TRAPPC11: variants seen among roughly 807,000 people sequenced by gnomAD.
The protein encoded by TRAPPC11 is trafficking protein particle complex subunit 11.
Under a neutral mutation model 151.2 loss-of-function variants are expected in TRAPPC11, and 104 were observed. The observed-to-expected ratio is 0.69, with a 90% confidence interval of 0.59 to 0.81. The LOEUF (loss-of-function observed/expected upper bound fraction) is 0.81, where lower values mean the gene tolerates loss of function less well. TRAPPC11 is among the 30% of genes least tolerant of loss of function. The probability of loss-of-function intolerance (pLI) is 0.00; values close to 1 mark genes in which losing one functional copy is unlikely to be tolerated. For missense variants in TRAPPC11, 1,230 were observed against 1,349.6 expected, an observed-to-expected ratio of 0.91 and a Z score of 1.39; for synonymous variants, 456 against 472.3, an observed-to-expected ratio of 0.97 and a Z score of 0.45.
Position 183,667,233 on chromosome 4 carries a change from A to T in TRAPPC11, c.445+103A>T, listed in dbSNP as rs760754747. ...GTTTAAATCTTTTATGCATTCAGTTATGGGGCTGATAGTATGTTAACTTTA... is the reference window on the plus strand; with the variant it reads ...GTTTAAATCTTTTATGCATTCAGTTTTGGGGCTGATAGTATGTTAACTTTA... On this transcript the variant is annotated intron_variant, in intron 4 of 29. Coordinates refer to ENST00000334690, the MANE Select transcript of TRAPPC11 (RefSeq NM_021942.6). 6.3e-4 allele frequency: 521 copies of T among 821,870 alleles called. 2 individuals carry two copies. Among genetic ancestry groups the T allele is most frequent in the South Asian group, 8.2e-4 (46 of 56,150 alleles). The allele number at this position is 821,870 out of a possible 1,614,324, so 50.9% of individuals were successfully genotyped here. A position where few individuals can be genotyped will look rare whatever the true frequency, so the allele number is the denominator to read the frequency against.
In TRAPPC11 at chr4:183,693,666, T is replaced by C; in HGVS notation, c.2315T>C (p.Leu772Ser). ...PPALTNEMYC[L>S]VVTVQSHEKT... ...GCACTGACTAATGAAATGTATTGTT[T>C]GGTTGTGACTGTTCAGTCCCATGAA... The change falls in exon 21 of 30, where the codon TTG becomes TCG. Residue 772 changes from leucine to serine, a missense_variant. Coordinates refer to ENST00000334690, the MANE Select transcript of TRAPPC11 (RefSeq NM_021942.6). 6.2e-7 allele frequency: 1 copy of C among 1,614,200 alleles called. No homozygotes were observed. Among genetic ancestry groups the C allele is most frequent in the Non-Finnish European group, 8.5e-7 (1 of 1,180,034 alleles).
chr4:183,708,383 T>A, intron 28 of TRAPPC11, 24 bp from the exon 29 acceptor site: 2 of 1,604,522 alleles, frequency 1.2e-6, no homozygotes, highest in Non-Finnish European at 8.5e-7. Flanking sequence ...TGATTATCTT[T>A]CTCTGTGACT....
chr4:183,687,407 A>G (rs868066457), intron 18 of TRAPPC11, among the ~76,000 whole-genome samples: 2 of 151,890 alleles, frequency 1.3e-5, no homozygotes, highest in African/African-American at 4.8e-5. Flanking sequence ...TGGTGCAATC[A>G]TAGCTCACTG....
chr4:183,683,938 G>T, intron 11 of TRAPPC11, 37 bp from the exon 12 acceptor site: 2 of 1,507,250 alleles, frequency 1.3e-6, no homozygotes, highest in Non-Finnish European at 1.8e-6. Flanking sequence ...TATATTAAAT[G>T]AGCTGTCTAA....
In TRAPPC11 at chr4:183,704,518, C is replaced by CAAAA. The variant is rs140497615; in HGVS notation, c.2964-445_2964-442dup. 5.7e-4 allele frequency among the ~76,000 whole-genome samples: 49 copies of CAAAA among 86,424 alleles called. 1 individual carries two copies. Among genetic ancestry groups the CAAAA allele is most frequent in the South Asian group, 2.5e-3 (6 of 2,444 alleles). 56.7% of individuals were successfully genotyped at this position (86,424 alleles called of 152,430 possible). On this transcript the variant is annotated intron_variant, in intron 26 of 29. Transcript: ENST00000334690. Reference sequence around the variant, plus strand: ...CCTGGGTGAGAGAGTGAGACTGTCTCAAAAAAAAAAAAAAAAAAATTGGCC... The same window carrying CAAAA: ...CCTGGGTGAGAGAGTGAGACTGTCTCAAAAAAAAAAAAAAAAAAAAAAATTGGCC...
At chr4:183,697,649 T>C (rs2111078439) in intron 24 of TRAPPC11, 30 bp from the exon 25 acceptor site, 1 of 1,612,244 alleles carries the variant, frequency 6.2e-7, no homozygotes, top group Non-Finnish European at 8.5e-7. Flanking sequence ...AGGTAATTCC[T>C]GACAGACCTT....
At position 183,704,972 on chromosome 4, in the gene TRAPPC11, G is replaced by A. The variant is rs1475770195; in HGVS notation, c.2964-7G>A. 1 of 1,560,358 alleles carries A rather than the reference G, an allele frequency of 6.4e-7. No homozygotes were observed. ...AGAGTTTAAAAAGATGACCTCTTCT[G>A]CCACAGGACCTCAGCAATGGAGAAT... On this transcript the variant is annotated splice_region_variant and splice_polypyrimidine_tract_variant and intron_variant, in intron 26 of 29. Transcript: ENST00000334690.
intron 28 of TRAPPC11, among the ~76,000 whole-genome samples, chr4:183,707,174 T>C (rs1737116257): frequency 6.6e-6 from 1 of 152,042 alleles, no homozygotes; most frequent in South Asian, 2.1e-4. Context: ...AGTCCACAAA[T>C]CCTTGGACTA....
rs1734696326 is a variant in TRAPPC11, at chr4:183,663,873, C to T, written c.6C>T (p.Ser2=). 1 of 1,612,878 alleles carries T rather than the reference C, an allele frequency of 6.2e-7. No individual in the cohort carries two copies. Among genetic ancestry groups the T allele is most frequent in the Middle Eastern group, 1.7e-4 (1 of 6,014 alleles). Residue 2 remains serine, a synonymous_variant, in exon 2 of 30, where the codon AGC becomes AGT. Coordinates refer to ENST00000334690, the MANE Select transcript of TRAPPC11 (RefSeq NM_021942.6). ...TTTTTTGTGACATCGTAAACATGAG[C>T]CCCACACAGTGGGACTTCCCTGTGG... is the stretch of plus-strand genomic sequence containing the variant. M[S]PTQWDFPVEL... is the part of the protein sequence containing the mutation.
chr4:183,693,658 G>T lies in TRAPPC11; in HGVS notation c.2307G>T (p.Met769Ile), dbSNP rs1554010022. 6.2e-7 allele frequency: 1 copy of T among 1,614,108 alleles called. No individual in the cohort carries two copies. Among genetic ancestry groups the T allele is most frequent in the Non-Finnish European group, 8.5e-7 (1 of 1,180,028 alleles). Residue 769 changes from methionine to isoleucine, a missense_variant, in exon 21 of 30, where the codon ATG (methionine) becomes ATT (isoleucine). Transcript: ENST00000334690. ...LHEPPALTNE[M>I]YCLVVTVQSH... ...AACCCCCTGCACTGACTAATGAAAT[G>T]TATTGTTTGGTTGTGACTGTTCAGT...
At chr4:183,661,216 A>G (rs2111274982) in intron 1 of TRAPPC11, among the ~76,000 whole-genome samples, 1 of 152,160 alleles carries the variant, frequency 6.6e-6, no homozygotes, top group African/African-American at 2.4e-5. Flanking sequence ...TAAACATGAG[A>G]AGACTAATAG....
At chr4:183,672,341 G>A (rs576045852) in intron 5 of TRAPPC11, among the ~76,000 whole-genome samples, 5 of 152,180 alleles carry the variant, frequency 3.3e-5, no homozygotes, top group African/African-American at 7.2e-5. Context: ...AGACTGAATC[G>A]GTTGGATTTT....
chr4:183,693,481 C>T, intron 20 of TRAPPC11, 108 bp from the exon 21 acceptor site: 1 of 1,227,354 alleles, frequency 8.1e-7, no homozygotes. Context: ...GCTGGGATTA[C>T]AGGCCTGAGC....
chr4:183,684,554 C>T (rs1735866287), intron 14 of TRAPPC11, 142 bp from the exon 15 acceptor site: 4 of 1,035,214 alleles, frequency 3.9e-6, no homozygotes, highest in Non-Finnish European at 5.6e-6. Flanking sequence ...TCACGTTTAG[C>T]TAAATATGAG....
rs577992413 is a variant in TRAPPC11, at chr4:183,686,915, T to C, written c.1893+167T>C. 4.6e-5 allele frequency among the ~76,000 whole-genome samples: 7 copies of C among 152,294 alleles called. No individual in the cohort carries two copies. The South Asian group carries it at 1.5e-3, about 32-fold the overall frequency. On this transcript the variant is annotated intron_variant, in intron 18 of 29. Transcript: ENST00000334690. ...TATCTCCAGGGCCGGGCACAGTGGC[T>C]CACGCCTGTAATCTCAGCACTTTGG...
At chr4:183,661,017 A>AT (rs1334732117) in intron 1 of TRAPPC11, among the ~76,000 whole-genome samples, 1 of 151,886 alleles carries the variant, frequency 6.6e-6, no homozygotes, top group East Asian at 1.9e-4. Context: ...CAGCCTGGTC[A>AT]CCCCTTTTTA....
chr4:183,681,711 C>T (rs1006812258), intron 10 of TRAPPC11, among the ~76,000 whole-genome samples: 26 of 149,738 alleles, frequency 1.7e-4, no homozygotes, highest in African/African-American at 4.7e-4. Context: ...ACCTGGGAGG[C>T]GGGGCTTGCA....
intron 26 of TRAPPC11, among the ~76,000 whole-genome samples, chr4:183,702,589 T>G (rs1005123062): frequency 6.6e-6 from 1 of 152,190 alleles, no homozygotes; most frequent in African/African-American, 2.4e-5. Flanking sequence ...AAACATGCTA[T>G]GTATTTCTTA....
chr4:183,709,229 G>T (rs575472582), intron 29 of TRAPPC11, among the ~76,000 whole-genome samples: 1 of 151,988 alleles, frequency 6.6e-6, no homozygotes, highest in African/African-American at 2.4e-5. Context: ...ACTGCTGTGC[G>T]CCCTCTTTTA....
Sources: gnomAD v4.1 joint callset for allele counts (sites outside exome capture counted in the v4.1 genomes callset) on GRCh38, gnomAD v4.1.1 for gene constraint, MANE v1.5 for transcripts, NCBI Gene and HGNC (gene_info 2026-07-23, HGNC 2026-07-21) for gene names.